TMEM144: variants seen among roughly 807,000 people sequenced by gnomAD.
TMEM144 encodes transmembrane protein 144.
A neutral mutation model predicts 43.6 loss-of-function variants in TMEM144; 39 were observed. That is an observed-to-expected ratio of 0.90 (90% CI 0.69 to 1.17). The LOEUF (loss-of-function observed/expected upper bound fraction) is 1.17. Among genes scored for constraint, TMEM144 ranks in the 50% most tolerant of loss-of-function variants. The pLI, the probability that TMEM144 is intolerant of heterozygous loss-of-function variation, is 0.00. For missense variants in TMEM144, 417 were observed against 411.9 expected (o/e 1.01, Z -0.11); for synonymous variants, 154 against 133.6 (o/e 1.15, Z -1.06).
At position 158,235,459 on chromosome 4, in the gene TMEM144, C is replaced by T; in HGVS notation, c.517C>T (p.Pro173Ser). 1.2e-6 allele frequency: 2 copies of T among 1,613,868 alleles called. No individual in the cohort carries two copies. The highest frequency in any genetic ancestry group is 2.2e-5 in the South Asian group (2 of 91,050). The change falls in exon 8 of 13, where the codon CCC becomes TCC. Residue 173 changes from proline to serine, a missense_variant. Transcript: ENST00000296529. ...TEHVINTTQD[P>S]CSWVDKLSTV... Reference sequence around the variant, plus strand: ...ATAGGTGATCAACACAACCCAAGACCCCTGTTCCTGGGTGGATAAACTTTC... The same window carrying T: ...ATAGGTGATCAACACAACCCAAGACTCCTGTTCCTGGGTGGATAAACTTTC...
chr4:158,245,638 G>A (rs559829222), intron 12 of TMEM144, among the ~76,000 whole-genome samples: 3 of 151,886 alleles, frequency 2.0e-5, no homozygotes, highest in East Asian at 2.0e-4. Context: ...CCAAACTGTC[G>A]ATAGCAAAAT....
At chr4:158,244,704 A>C (rs1735802314) in intron 12 of TMEM144, among the ~76,000 whole-genome samples, 4 of 152,140 alleles carry the variant, frequency 2.6e-5, no homozygotes, top group African/African-American at 7.2e-5. Context: ...CATTCAGGTG[A>C]GTAAAGTATT....
At chr4:158,228,950 G>T (rs184291126) in intron 6 of TMEM144, among the ~76,000 whole-genome samples, 32 of 152,228 alleles carry the variant, frequency 2.1e-4, no homozygotes, top group African/African-American at 5.8e-4. Context: ...CAAGCAGGGG[G>T]TAGTTGACTG....
In TMEM144 at chr4:158,246,218, C is replaced by A. The variant is rs370145929; in HGVS notation, c.954+1869C>A. On this transcript the variant is annotated intron_variant, in intron 12 of 12. Transcript: ENST00000296529. ...CAGTTGAGGAATATATGCAAATACT[C>A]TTTTATAAGAATTTTTATTAAAGAC... Among the ~76,000 whole-genome samples the A allele has an allele frequency of 8.5e-5, 13 of 152,248 alleles. No homozygotes were observed. The East Asian group carries it at 2.3e-3, about 27-fold the overall frequency.
chr4:158,236,512 C>A (rs1055593834), intron 8 of TMEM144, among the ~76,000 whole-genome samples: 11 of 152,096 alleles, frequency 7.2e-5, no homozygotes, highest in Admixed American at 6.6e-4. Context: ...CCAGACCTCA[C>A]GTGACACAGG....
chr4:158,235,738 A>T (rs145875324), intron 8 of TMEM144: 25 of 383,008 alleles, frequency 6.5e-5, no homozygotes, highest in Non-Finnish European at 9.9e-5. Context: ...TCTCCAAATG[A>T]TAAGTAGATA....
At chr4:158,215,910 A>C (rs761756520) in intron 4 of TMEM144, among the ~76,000 whole-genome samples, 12 of 152,208 alleles carry the variant, frequency 7.9e-5, no homozygotes, top group Non-Finnish European at 1.6e-4. Context: ...GAGAATTCCA[A>C]GTATCAGTGA....
chr4:158,217,416 T>A lies in TMEM144; in HGVS notation c.328T>A (p.Ser110Thr). The A allele has an allele frequency of 6.2e-7, 1 of 1,607,712 alleles. No homozygotes were observed. The highest frequency in any genetic ancestry group is 8.5e-7 in the Non-Finnish European group (1 of 1,174,594). ...TAATGCCTTAACTGGCTGGGCAAGCTCAAGGTAATTCAAGTCAAACTAGTT... is the reference window on the plus strand; with the variant it reads ...TAATGCCTTAACTGGCTGGGCAAGCACAAGGTAATTCAAGTCAAACTAGTT... The part of the protein sequence containing the change: ...SFNALTGWAS[S>T]RFGWFGLDAE... Residue 110 changes from serine to threonine, a missense_variant, in exon 5 of 13, where the codon TCA becomes ACA. Physicochemically the swap from Ser to Thr is moderately conservative, Grantham distance 58. Coordinates refer to ENST00000296529, the MANE Select transcript of TMEM144 (RefSeq NM_018342.5).
intron 4 of TMEM144, among the ~76,000 whole-genome samples, chr4:158,216,960 C>T (rs1364813977): frequency 6.6e-6 from 1 of 152,146 alleles, no homozygotes; most frequent in African/African-American, 2.4e-5. Flanking sequence ...CCAAGTACTT[C>T]TGCCAGTATT....
At chr4:158,213,126 T>G (rs1027115939) in intron 3 of TMEM144, 24 of 312,468 alleles carry the variant, frequency 7.7e-5, no homozygotes, top group Non-Finnish European at 1.2e-4. Context: ...GCATAACAGA[T>G]TTTTGGCTTG....
At chr4:158,251,912 A>T (rs1736225382) in intron 12 of TMEM144, among the ~76,000 whole-genome samples, 1 of 152,208 alleles carries the variant, frequency 6.6e-6, no homozygotes, top group African/African-American at 2.4e-5. Context: ...CTAAAAAAAT[A>T]AATAAATTAG....
chr4:158,219,312 T>G lies in TMEM144; in HGVS notation c.335T>G (p.Phe112Cys). ...NALTGWASSR[F>C]GWFGLDAEEV... The stretch of plus-strand genomic sequence containing the variant: ...GATGTGACTTTCTGGATTTTCAGGT[T>G]TGGCTGGTTTGGATTGGATGCAGAA... Residue 112 changes from phenylalanine to cysteine, a missense_variant and splice_region_variant, in exon 6 of 13, where the codon TTT (phenylalanine) becomes TGT (cysteine). Physicochemically the swap from Phe to Cys is radical, Grantham distance 205. Coordinates refer to ENST00000296529, the MANE Select transcript of TMEM144 (RefSeq NM_018342.5). The G allele has an allele frequency of 6.2e-7, 1 of 1,613,802 alleles. No individual in the cohort carries two copies. The highest frequency in any genetic ancestry group is 8.5e-7 in the Non-Finnish European group (1 of 1,179,798).
chr4:158,237,407 T>G (rs1045322508), intron 8 of TMEM144, 118 bp from the exon 9 acceptor site: 1 of 743,520 alleles, frequency 1.3e-6, no homozygotes, highest in South Asian at 1.9e-5. Context: ...TTGAGATAAA[T>G]GGATGGTTTT....
intron 3 of TMEM144, 28 bp from the exon 4 acceptor site, chr4:158,215,163 C>G: frequency 1.9e-6 from 3 of 1,612,672 alleles, no homozygotes; most frequent in Non-Finnish European, 1.7e-6. Context: ...CAATTTGAAC[C>G]ACTAACACTG....
chr4:158,220,883 G>C (rs144685650), intron 6 of TMEM144, among the ~76,000 whole-genome samples: 1 of 151,996 alleles, frequency 6.6e-6, no homozygotes, highest in South Asian at 2.1e-4. Context: ...GTGCATCTAG[G>C]CTCCCTTCTA....
At chr4:158,244,199 G>A in intron 11 of TMEM144, 97 bp from the exon 12 acceptor site, 1 of 846,434 alleles carries the variant, frequency 1.2e-6, no homozygotes, top group Non-Finnish European at 1.7e-6. Context: ...AGTTTTCCCT[G>A]AAAATATGTT....
Position 158,244,297 on chromosome 4 carries a change from G to T in TMEM144, c.902G>T (p.Gly301Val). The part of the protein sequence containing the change: ...AVVSFPIITA[G>V]PGFIAAMWGI... ...TTAAAATTTATATTTTTATTTAAGG[G>T]TCCAGGATTTATAGCTGCAATGTGG... The change falls in exon 12 of 13, where the codon GGT becomes GTT. Residue 301 changes from glycine to valine, a missense_variant and splice_region_variant. Physicochemically the swap from Gly to Val is moderately radical, Grantham distance 109. Transcript: ENST00000296529. 3 of 1,599,174 alleles carry T rather than the reference G, an allele frequency of 1.9e-6. No homozygotes were observed. The highest frequency in any genetic ancestry group is 2.6e-6 in the Non-Finnish European group (3 of 1,171,034).
At chr4:158,213,727 A>G (rs538798092) in intron 3 of TMEM144, 3 of 152,192 alleles carry the variant, frequency 2.0e-5, no homozygotes, top group Non-Finnish European at 2.9e-5. Context: ...CCTTGGTAGT[A>G]TTTATCACCT....
At chr4:158,214,826 A>G (rs1284994492) in intron 3 of TMEM144, among the ~76,000 whole-genome samples, 1 of 152,192 alleles carries the variant, frequency 6.6e-6, no homozygotes, top group Non-Finnish European at 1.5e-5. Context: ...CTGAATGAGA[A>G]TATACACTCG....
Sources: gnomAD v4.1 joint callset for allele counts (sites outside exome capture counted in the v4.1 genomes callset) on GRCh38, gnomAD v4.1.1 for gene constraint, MANE v1.5 for transcripts, NCBI Gene and HGNC (gene_info 2026-07-23, HGNC 2026-07-21) for gene names.